UBE2E2: variants seen among roughly 807,000 people sequenced by gnomAD.
UBE2E2 encodes ubiquitin conjugating enzyme E2 E2.
In UBE2E2, 6 loss-of-function variants were observed where a neutral mutation model predicts 24.7. The observed-to-expected ratio is 0.24, with a 90% CI of 0.13 to 0.48. The LOEUF is 0.48. Among genes scored for constraint, UBE2E2 ranks in the 20% least tolerant of loss-of-function variants. The pLI is 0.99. For missense variants in UBE2E2, 169 were observed against 245.0 expected (o/e 0.69, Z 2.07); for synonymous variants, 104 against 83.6 (o/e 1.24, Z -1.33).
At chr3:23,556,391 T>C (rs1171119723) in intron 5 of UBE2E2, among the ~76,000 whole-genome samples, 1 of 134,934 alleles carries the variant, frequency 7.4e-6, no homozygotes, top group Non-Finnish European at 1.5e-5. Context: ...TCCACCCGCC[T>C]CGACCTCCCA....
At chr3:23,455,463 A>G (rs1281179233) in intron 3 of UBE2E2, among the ~76,000 whole-genome samples, 2 of 152,180 alleles carry the variant, frequency 1.3e-5, no homozygotes, top group South Asian at 2.1e-4. Context: ...CATTCCTGTA[A>G]TCCCAGCACT....
intron 3 of UBE2E2, among the ~76,000 whole-genome samples, chr3:23,247,430 C>T (rs1423999686): frequency 6.6e-6 from 1 of 151,558 alleles, no homozygotes; most frequent in Non-Finnish European, 1.5e-5. Flanking sequence ...TCTCGGCTCA[C>T]CAGAACCTCT....
At chr3:23,416,588 A>G (rs1454133282) in intron 3 of UBE2E2, among the ~76,000 whole-genome samples, 3 of 152,070 alleles carry the variant, frequency 2.0e-5, no homozygotes, top group Non-Finnish European at 1.5e-5. Flanking sequence ...TTGAATTTGA[A>G]TGTTGGCCTG....
At chr3:23,209,191 A>G (rs1696244942) in intron 2 of UBE2E2, among the ~76,000 whole-genome samples, 2 of 152,174 alleles carry the variant, frequency 1.3e-5, no homozygotes, top group South Asian at 4.1e-4. Flanking sequence ...TTGACCATAA[A>G]TATTTTTTTT....
chr3:23,586,398 G>A (rs112422596), intron 5 of UBE2E2, among the ~76,000 whole-genome samples: 5 of 151,964 alleles, frequency 3.3e-5, no homozygotes, highest in Admixed American at 6.6e-5. Context: ...GGGCTCAAGC[G>A]ATCCTCCCAC....
intron 3 of UBE2E2, among the ~76,000 whole-genome samples, chr3:23,411,340 T>A (rs889663513): frequency 6.6e-6 from 1 of 152,170 alleles, no homozygotes; most frequent in Non-Finnish European, 1.5e-5. Context: ...AGATGATGCC[T>A]CCACATCTGC....
chr3:23,205,967 CTAA>C (rs1303540330), intron 1 of UBE2E2, among the ~76,000 whole-genome samples: 1 of 152,106 alleles, frequency 6.6e-6, no homozygotes, highest in Non-Finnish European at 1.5e-5. Context: ...GGCTTTATAA[CTAA>C]TGTTATACAC....
At chr3:23,356,037 C>T (rs1253419453) in intron 3 of UBE2E2, among the ~76,000 whole-genome samples, 1 of 152,104 alleles carries the variant, frequency 6.6e-6, no homozygotes, top group Admixed American at 6.6e-5. Context: ...ATGAGTTTTG[C>T]AATTAATTGT....
chr3:23,374,467 A>G (rs1246861372), intron 3 of UBE2E2, among the ~76,000 whole-genome samples: 1 of 152,226 alleles, frequency 6.6e-6, no homozygotes, highest in Non-Finnish European at 1.5e-5. Context: ...CTAATATACT[A>G]TAAAATGCTA....
At chr3:23,527,603 GT>G (rs1251173719) in intron 4 of UBE2E2, among the ~76,000 whole-genome samples, 3 of 152,146 alleles carry the variant, frequency 2.0e-5, no homozygotes, top group Non-Finnish European at 2.9e-5. Context: ...TGATTAGAGG[GT>G]TGGAACTTTC....
At chr3:23,458,351 T>A (rs549468971) in intron 3 of UBE2E2, among the ~76,000 whole-genome samples, 2 of 138,300 alleles carry the variant, frequency 1.4e-5, no homozygotes, top group South Asian at 2.4e-4. Flanking sequence ...CCCAAAACAA[T>A]TAAGATTCTA....
chr3:23,249,239 C>T (rs1039878584), intron 3 of UBE2E2, among the ~76,000 whole-genome samples: 3 of 150,700 alleles, frequency 2.0e-5, no homozygotes, highest in Non-Finnish European at 4.4e-5. Flanking sequence ...ACCACCACAC[C>T]CCAGCCTGGG....
chr3:23,206,888 A>T (rs550202955), intron 1 of UBE2E2, among the ~76,000 whole-genome samples: 1 of 152,296 alleles, frequency 6.6e-6, no homozygotes, highest in South Asian at 2.1e-4. Flanking sequence ...CTTATTCTTG[A>T]TCATATCAGA....
intron 3 of UBE2E2, among the ~76,000 whole-genome samples, chr3:23,422,840 G>A (rs1265046190): frequency 1.3e-5 from 2 of 151,920 alleles, no homozygotes; most frequent in Admixed American, 1.3e-4. Flanking sequence ...AAGTGTCTAG[G>A]GAAGGGTCTA....
intron 5 of UBE2E2, among the ~76,000 whole-genome samples, chr3:23,561,011 T>G (rs1695914863): frequency 6.6e-6 from 1 of 152,246 alleles, no homozygotes; most frequent in Non-Finnish European, 1.5e-5. Context: ...TCTCCCATTG[T>G]GTAGGTTGCC....
In UBE2E2 at chr3:23,583,392, G is replaced by T. The variant is rs117479769; in HGVS notation, c.509-6342G>T. ...CTTCCACCTTTGTTCTTTTTGCTTA[G>T]CATTGCTTTGGCTATTCAGGCCCTT... On this transcript the variant is annotated intron_variant, in intron 5 of 5. Coordinates refer to ENST00000396703, the MANE Select transcript of UBE2E2 (RefSeq NM_152653.4). The surrounding 1 kb of genome is among the most constrained non-coding windows in gnomAD (Gnocchi z 4.1). Among the ~76,000 whole-genome samples the T allele has an allele frequency of 1.0e-3, 157 of 152,250 alleles. 4 individuals carry two copies. In the East Asian group the frequency reaches 0.028, roughly 27 times the overall value.
chr3:23,586,805 A>T (rs1036710995), intron 5 of UBE2E2, among the ~76,000 whole-genome samples: 5 of 152,230 alleles, frequency 3.3e-5, no homozygotes, highest in Non-Finnish European at 7.3e-5. Flanking sequence ...AGAAATGATG[A>T]AGTAGATCTA....
chr3:23,399,537 T>A (rs1408195378), intron 3 of UBE2E2, among the ~76,000 whole-genome samples: 1 of 152,196 alleles, frequency 6.6e-6, no homozygotes, highest in African/African-American at 2.4e-5. Context: ...TTTGCCATTT[T>A]AATGACAAAA....
chr3:23,486,388 C>A (rs1699372635), intron 3 of UBE2E2, among the ~76,000 whole-genome samples: 1 of 152,192 alleles, frequency 6.6e-6, no homozygotes, highest in African/African-American at 2.4e-5. Flanking sequence ...CAGTGTGTCA[C>A]AGCTCTGGCT....
Sources: gnomAD v4.1 joint callset for allele counts (sites outside exome capture counted in the v4.1 genomes callset) on GRCh38, gnomAD v4.1.1 for gene constraint, Gnocchi (gnomAD v3.1) non-coding constraint, MANE v1.5 for transcripts, NCBI Gene and HGNC (gene_info 2026-07-23, HGNC 2026-07-21) for gene names.